Variants in FOXP1 observed in about 807,000 individuals in gnomAD.
The protein encoded by FOXP1 is forkhead box P1.
In FOXP1, 15 loss-of-function variants were observed where a neutral mutation model predicts 98.2. The ratio of observed to expected loss-of-function variants is 0.15; its 90% CI spans 0.10 to 0.24. The LOEUF is 0.24. Among genes scored for constraint, FOXP1 ranks in the 10% least tolerant of loss-of-function variants. The probability of loss-of-function intolerance (pLI) is 1.00; values close to 1 mark genes in which losing one functional copy is unlikely to be tolerated. For missense variants in FOXP1, 633 were observed against 848.5 expected (o/e 0.75, Z 3.15); for synonymous variants, 371 against 314.5 (o/e 1.18, Z -1.90).
At chr3:71,139,206 TG>T (rs996733354) in intron 6 of FOXP1, among the ~76,000 whole-genome samples, 3 of 152,078 alleles carry the variant, frequency 2.0e-5, no homozygotes, top group Non-Finnish European at 2.9e-5. Context: ...CCGGGCTAAT[TG>T]GGGTAACGCA....
chr3:71,439,919 G>T (rs1276414607), intron 3 of FOXP1, among the ~76,000 whole-genome samples: 3 of 145,314 alleles, frequency 2.1e-5, no homozygotes, highest in Non-Finnish European at 4.5e-5. Flanking sequence ...GCACACTCCA[G>T]CCTGGGCGAG....
At chr3:71,031,104 G>A (rs1016645170) in intron 11 of FOXP1, among the ~76,000 whole-genome samples, 2 of 152,142 alleles carry the variant, frequency 1.3e-5, no homozygotes, top group African/African-American at 2.4e-5. Context: ...CACATCATTT[G>A]CACAAACACT....
chr3:71,412,153 C>T lies in FOXP1; in HGVS notation c.-167-52909G>A, dbSNP rs150933321. Among the ~76,000 whole-genome samples the T allele has an allele frequency of 3.2e-3, 481 of 150,398 alleles. 4 individuals carry two copies. In the East Asian group the frequency reaches 0.037, roughly 11 times the overall value. On this transcript the variant is annotated intron_variant, in intron 3 of 20. Coordinates refer to ENST00000649528, the MANE Select transcript of FOXP1 (RefSeq NM_001349338.3). Reference sequence around the variant, plus strand: ...GCAATCTATTCAAAATCCTTGGGACCCTTAAGAGGGACAGGTCGCATGGTG... The same window carrying T: ...GCAATCTATTCAAAATCCTTGGGACTCTTAAGAGGGACAGGTCGCATGGTG...
intron 5 of FOXP1, among the ~76,000 whole-genome samples, chr3:71,260,829 C>A (rs6795779): frequency 4.0e-4 from 61 of 151,932 alleles, no homozygotes; most frequent in African/African-American, 9.4e-4. Flanking sequence ...GGCATGAGCC[C>A]CCACGCCCGG....
chr3:71,268,085 C>CTT (rs2069894742), intron 5 of FOXP1, among the ~76,000 whole-genome samples: 1 of 112,252 alleles, frequency 8.9e-6, no homozygotes, highest in East Asian at 4.0e-4. Flanking sequence ...TTTTTCTTTT[C>CTT]TTTTCTTTTT....
chr3:71,420,847 C>T (rs1283871662), intron 3 of FOXP1, among the ~76,000 whole-genome samples: 1 of 152,080 alleles, frequency 6.6e-6, no homozygotes, highest in African/African-American at 2.4e-5. Flanking sequence ...CCTAGGACTA[C>T]ATGTACCTGC....
chr3:71,548,996 G>A lies in FOXP1; in HGVS notation c.-298+32553C>T, dbSNP rs6785646. 3.9e-3 allele frequency among the ~76,000 whole-genome samples: 589 copies of A among 152,296 alleles called. 3 individuals are homozygous for A. Among genetic ancestry groups the A allele is most frequent in the African/African-American group, 0.013 (539 of 41,562 alleles). On this transcript the variant is annotated intron_variant, in intron 2 of 20. Coordinates refer to ENST00000649528, the MANE Select transcript of FOXP1 (RefSeq NM_001349338.3). ...ACATATCCAAGGTTAATAAGAGGCAGAGCTGGGATTCAAACTCAGGAACGT... is the reference window on the plus strand; with the variant it reads ...ACATATCCAAGGTTAATAAGAGGCAAAGCTGGGATTCAAACTCAGGAACGT...
At chr3:71,153,503 G>A (rs530121765) in intron 6 of FOXP1, among the ~76,000 whole-genome samples, 59 of 140,114 alleles carry the variant, frequency 4.2e-4, no homozygotes, top group African/African-American at 1.4e-3. Flanking sequence ...ACTGCCCCCC[G>A]CAATCATCTT....
intron 2 of FOXP1, chr3:71,543,490 C>G (rs1247360662): frequency 6.6e-6 from 1 of 152,486 alleles, no homozygotes; most frequent in East Asian, 1.9e-4. Flanking sequence ...GTCATCATCC[C>G]AAATGTAGTT....
In FOXP1 at chr3:71,158,079, C is replaced by T. The variant is rs561810920; in HGVS notation, c.180+40123G>A. 2.3e-3 allele frequency among the ~76,000 whole-genome samples: 55 copies of T among 24,276 alleles called. 1 individual carries two copies. The Middle Eastern group carries it at 0.094, about 41-fold the overall frequency. 15.9% of individuals were successfully genotyped at this position (24,276 alleles called of 152,430 possible). ...CTCCAGCCTGGGTGGGAGGGTAAGA[C>T]GAAAGAAGGAAGGAAGGAAGGAAGG... On this transcript the variant is annotated intron_variant, in intron 6 of 20. Transcript: ENST00000649528.
chr3:71,526,373 T>C (rs1373562670), intron 2 of FOXP1, among the ~76,000 whole-genome samples: 3 of 152,108 alleles, frequency 2.0e-5, no homozygotes, highest in Non-Finnish European at 4.4e-5. Flanking sequence ...GCCAGGGAAA[T>C]CTTTAAAACT....
At chr3:71,233,752 G>A (rs549250435) in intron 5 of FOXP1, among the ~76,000 whole-genome samples, 2 of 152,136 alleles carry the variant, frequency 1.3e-5, no homozygotes, top group South Asian at 4.2e-4. Context: ...CCCCAAGAAG[G>A]ACAAAAGAGG....
At chr3:71,394,532 G>T (rs1272520446) in intron 3 of FOXP1, among the ~76,000 whole-genome samples, 2 of 152,178 alleles carry the variant, frequency 1.3e-5, no homozygotes, top group Admixed American at 1.3e-4. Context: ...ATGGATCAAA[G>T]ATGCATTTTT....
At chr3:71,243,869 T>G (rs1424646280) in intron 5 of FOXP1, among the ~76,000 whole-genome samples, 2 of 152,090 alleles carry the variant, frequency 1.3e-5, no homozygotes, top group African/African-American at 4.8e-5. Context: ...TTAAAAACAG[T>G]AAACCTCCAC....
chr3:71,407,415 A>G (rs2082427518), intron 3 of FOXP1, among the ~76,000 whole-genome samples: 1 of 152,248 alleles, frequency 6.6e-6, no homozygotes, highest in Non-Finnish European at 1.5e-5. Context: ...TTTTTCTAAA[A>G]TTAAACACAT....
intron 4 of FOXP1, among the ~76,000 whole-genome samples, chr3:71,316,744 G>A (rs1414943600): frequency 1.3e-5 from 2 of 150,388 alleles, no homozygotes; most frequent in African/African-American, 2.5e-5. Context: ...GGCAACCTTC[G>A]CCTCCCAGGT....
chr3:71,040,117 C>G (rs1175825547), intron 11 of FOXP1, among the ~76,000 whole-genome samples: 3 of 149,552 alleles, frequency 2.0e-5, no homozygotes, highest in Non-Finnish European at 4.5e-5. Flanking sequence ...GTATGTATCT[C>G]TGTGTGTGTG....
chr3:71,190,478 A>C (rs200255580), intron 6 of FOXP1, among the ~76,000 whole-genome samples: 11,713 of 151,138 alleles, frequency 0.077, 587 homozygotes, highest in Admixed American at 0.12. Flanking sequence ...CAACAACAAA[A>C]AAAAAACAGC....
intron 5 of FOXP1, among the ~76,000 whole-genome samples, chr3:71,270,128 C>A (rs1478328228): frequency 6.6e-6 from 1 of 152,170 alleles, no homozygotes; most frequent in Non-Finnish European, 1.5e-5. Flanking sequence ...AAGCATTTAA[C>A]TTCCTTGTTA....
Sources: gnomAD v4.1 joint callset for allele counts (sites outside exome capture counted in the v4.1 genomes callset) on GRCh38, gnomAD v4.1.1 for gene constraint, MANE v1.5 for transcripts, NCBI Gene and HGNC (gene_info 2026-07-23, HGNC 2026-07-21) for gene names.